The following CDH23 variants were observed in gnomAD, a reference collection of about 807,000 sequenced individuals.
CDH23 encodes the protein cadherin-23.
A neutral mutation model predicts 317.1 loss-of-function variants in CDH23; 189 were observed. The observed-to-expected ratio is 0.60, with a 90% confidence interval of 0.53 to 0.67. The LOEUF is 0.67. CDH23 is among the 30% of genes least tolerant of loss of function. The probability of loss-of-function intolerance (pLI) is 0.00; values close to 1 mark genes in which losing one functional copy is unlikely to be tolerated. For synonymous variants in CDH23, 1,839 were observed against 1,876.8 expected, an observed-to-expected ratio of 0.98 and a Z score of 0.52; for missense variants, 4,401 against 4,592.4, an observed-to-expected ratio of 0.96 and a Z score of 1.20.
At chr10:71,641,177 T>G (rs1377003890) in intron 11 of CDH23, among the ~76,000 whole-genome samples, 1 of 152,218 alleles carries the variant, frequency 6.6e-6, no homozygotes, top group Non-Finnish European at 1.5e-5. Flanking sequence ...GCCGCAGTGA[T>G]GTCTTCCCAA....
At chr10:71,434,527 G>C (rs533965431) in intron 1 of CDH23, among the ~76,000 whole-genome samples, 1 of 152,174 alleles carries the variant, frequency 6.6e-6, no homozygotes, top group African/African-American at 2.4e-5. Flanking sequence ...TTGACTTGGT[G>C]GGGGGCAGGG....
rs1850161040 is a variant in CDH23, at chr10:71,446,263, G to A, written c.68-55G>A. On this transcript the variant is annotated intron_variant, in intron 2 of 69. Coordinates refer to ENST00000224721, the MANE Select transcript of CDH23 (RefSeq NM_022124.6). ...CCCTCACCCTGTGTCACCTTATAGA[G>A]TGTGTAAAGCTGATGGGGGGTACTT... 7 of 1,516,638 alleles carry A rather than the reference G, an allele frequency of 4.6e-6. No homozygotes were observed. The South Asian group carries it at 6.7e-5, about 15-fold the overall frequency. The allele number at this position is 1,516,638 out of a possible 1,614,324, so 93.9% of individuals were successfully genotyped here. A position where few individuals can be genotyped will look rare whatever the true frequency, so the allele number is the denominator to read the frequency against.
chr10:71,531,010 G>T (rs980398003), intron 6 of CDH23, among the ~76,000 whole-genome samples: 22 of 152,202 alleles, frequency 1.4e-4, no homozygotes, highest in Admixed American at 2.6e-4. Flanking sequence ...CGGCTCTGTG[G>T]CAAGTTCAGG....
intron 6 of CDH23, among the ~76,000 whole-genome samples, chr10:71,520,982 T>A (rs1854643053): frequency 6.6e-6 from 1 of 152,044 alleles, no homozygotes; most frequent in Admixed American, 6.5e-5. Context: ...ATTTCTCTGA[T>A]TCCTTAGCAG....
intron 9 of CDH23, among the ~76,000 whole-genome samples, chr10:71,587,126 C>T (rs564672893): frequency 3.5e-4 from 54 of 152,322 alleles, no homozygotes; most frequent in African/African-American, 1.3e-3. Context: ...GAAGCTAAGA[C>T]GCAAAGAGCT....
At chr10:71,774,042 T>A (rs895244569) in intron 38 of CDH23, among the ~76,000 whole-genome samples, 13 of 124,648 alleles carry the variant, frequency 1.0e-4, no homozygotes, top group African/African-American at 3.7e-4. Context: ...CCTGAGTGCA[T>A]GCGCGCGCGC....
At chr10:71,550,580 A>AAAAAAAAAAAG (rs1856533891) in intron 6 of CDH23, among the ~76,000 whole-genome samples, 1 of 43,924 alleles carries the variant, frequency 2.3e-5, no homozygotes, top group African/African-American at 1.0e-4. Context: ...AAAAAAAAGA[A>AAAAAAAAAAAG]AAAAGAAAAA....
chr10:71,684,107 C>CAA (rs1403340647), intron 18 of CDH23, among the ~76,000 whole-genome samples: 2 of 41,508 alleles, frequency 4.8e-5, no homozygotes, highest in African/African-American at 1.1e-4. Flanking sequence ...AAACAAACAA[C>CAA]AACAAAAAAA....
chr10:71,524,881 C>T (rs1269453335), intron 6 of CDH23, among the ~76,000 whole-genome samples: 2 of 152,160 alleles, frequency 1.3e-5, no homozygotes, highest in East Asian at 1.9e-4. Context: ...CCAGAAGGAA[C>T]GCAGCCCTGC....
chr10:71,550,436 C>T (rs1197411460), intron 6 of CDH23, among the ~76,000 whole-genome samples: 1 of 151,650 alleles, frequency 6.6e-6, no homozygotes, highest in African/African-American at 2.4e-5. Context: ...TGTGCACCTG[C>T]AGTCCCAGCT....
chr10:71,621,431 G>A (rs757307471), intron 11 of CDH23, among the ~76,000 whole-genome samples: 8 of 152,160 alleles, frequency 5.3e-5, no homozygotes, highest in Non-Finnish European at 1.0e-4. Context: ...ACGGGGGTGG[G>A]GCATGCTTAG....
intron 7 of CDH23, among the ~76,000 whole-genome samples, chr10:71,570,035 G>C (rs1857677943): frequency 6.6e-6 from 1 of 151,988 alleles, no homozygotes; most frequent in South Asian, 2.1e-4. Context: ...TGAGCAGCTG[G>C]GACTACAGAT....
At position 71,760,229 on chromosome 10, in the gene CDH23, A is replaced by ATATATGTGTGTATATATG. The variant is rs1296618182; in HGVS notation, c.4846-17450_4846-17449insATATGTGTGTATATATGT. Among the ~76,000 whole-genome samples the ATATATGTGTGTATATATG allele has an allele frequency of 5.8e-3, 274 of 47,338 alleles. 84 individuals are homozygous for ATATATGTGTGTATATATG. The highest frequency in any genetic ancestry group is 0.018 in the African/African-American group (254 of 13,876). 31.1% of individuals were successfully genotyped at this position (47,338 alleles called of 152,430 possible). A position where few individuals can be genotyped will look rare whatever the true frequency, so the allele number is the denominator to read the frequency against. ...TATGTGTGTATATATGTGTATATAT[A>ATATATGTGTGTATATATG]TGTATATACATATATATGTATGTAT... On this transcript the variant is annotated intron_variant, in intron 38 of 69. Transcript: ENST00000224721.
intron 8 of CDH23, among the ~76,000 whole-genome samples, chr10:71,575,131 G>A (rs1026557205): frequency 2.0e-5 from 3 of 152,178 alleles, no homozygotes; most frequent in African/African-American, 7.2e-5. Context: ...GCTGCTAGCT[G>A]TCCTCACAAT....
intron 8 of CDH23, among the ~76,000 whole-genome samples, chr10:71,574,252 C>G: frequency 6.6e-6 from 1 of 152,094 alleles, no homozygotes; most frequent in East Asian, 1.9e-4. Flanking sequence ...CATGCCTCAT[C>G]TAAAGTGTAT....
rs1840925407 is a variant in CDH23 at position 71,780,556 on chromosome 10, G to A, written c.5368+1109G>A. 2.6e-5 allele frequency among the ~76,000 whole-genome samples: 4 copies of A among 152,290 alleles called. No individual in the cohort carries two copies. The South Asian group carries it at 8.3e-4, about 32-fold the overall frequency. ...AGAGAAGCAAAAAGGCCTGCAGCTG[G>A]GGGAAAGTTGAGCAAAGGGAAGCAT... On this transcript the variant is annotated intron_variant, in intron 41 of 69. Transcript: ENST00000224721.
chr10:71,690,081 A>C (rs1165570289), intron 19 of CDH23, among the ~76,000 whole-genome samples: 1 of 152,220 alleles, frequency 6.6e-6, no homozygotes, highest in Non-Finnish European at 1.5e-5. Context: ...AATTGAATAC[A>C]GTAAATGTAG....
At chr10:71,586,975 G>A (rs1859113974) in intron 9 of CDH23, among the ~76,000 whole-genome samples, 1 of 152,140 alleles carries the variant, frequency 6.6e-6, no homozygotes, top group South Asian at 2.1e-4. Flanking sequence ...GTTGATTTTT[G>A]CTATTACAAA....
chr10:71,418,550 G>A (rs1161592380), intron 1 of CDH23, among the ~76,000 whole-genome samples: 1 of 152,098 alleles, frequency 6.6e-6, no homozygotes, highest in African/African-American at 2.4e-5. Flanking sequence ...TCACAGGAAG[G>A]CCAACATTCT....
Sources: gnomAD v4.1 joint callset for allele counts (sites outside exome capture counted in the v4.1 genomes callset) on GRCh38, gnomAD v4.1.1 for gene constraint, MANE v1.5 for transcripts, NCBI Gene and HGNC (gene_info 2026-07-23, HGNC 2026-07-21) for gene names.